Variants in MINPP1 observed in about 807,000 individuals in gnomAD.
MINPP1 encodes multiple inositol polyphosphate phosphatase 1.
A neutral mutation model predicts 46.1 loss-of-function variants in MINPP1; 28 were observed. The observed-to-expected ratio is 0.61, with a 90% CI of 0.45 to 0.83. The LOEUF (loss-of-function observed/expected upper bound fraction) is 0.83. MINPP1 is among the 40% of genes least tolerant of loss of function. MINPP1 has a pLI of 0.00. For synonymous variants in MINPP1, 268 were observed against 249.1 expected, an observed-to-expected ratio of 1.08 and a Z score of -0.72; for missense variants, 603 against 610.0, an observed-to-expected ratio of 0.99 and a Z score of 0.12.
intron 2 of MINPP1, among the ~76,000 whole-genome samples, chr10:87,512,272 C>T (rs976748486): frequency 4.6e-5 from 7 of 152,154 alleles, no homozygotes; most frequent in African/African-American, 1.7e-4. Context: ...AGCAAATTAG[C>T]AGTGTAAAAA....
chr10:87,508,450 C>A lies in MINPP1; in HGVS notation c.752C>A (p.Ala251Asp). Residue 251 changes from alanine to aspartate, a missense_variant, in exon 2 of 5, where the codon GCC becomes GAC. Around this residue, in one of 3 missense-constraint regions of MINPP1, gnomAD observed 344 missense variants for 381.1 expected, o/e 0.90. Transcript: ENST00000371996. ...KNATALYHVE[A>D]FKTGPEMQNI... The stretch of plus-strand genomic sequence containing the variant: ...GCTACAGCTCTTTATCACGTGGAAG[C>A]CTTCAAAACTGGACCAGAAATGCAG... The A allele has an allele frequency of 1.2e-6, 2 of 1,613,768 alleles. No individual in the cohort carries two copies. Among genetic ancestry groups the A allele is most frequent in the Non-Finnish European group, 1.7e-6 (2 of 1,179,860 alleles).
chr10:87,513,184 C>T lies in MINPP1; in HGVS notation c.896C>T (p.Ser299Phe). The T allele has an allele frequency of 6.2e-7, 1 of 1,613,450 alleles. No individual in the cohort carries two copies. The highest frequency in any genetic ancestry group is 8.5e-7 in the Non-Finnish European group (1 of 1,179,626). ...GACCTGGCAATTAAAGGTGTTAAAT[C>T]TCCTTGGTGTGATGTTTTTGACATA... ...SFDLAIKGVK[S>F]PWCDVFDIDD... is the part of the protein sequence containing the mutation. The change falls in exon 3 of 5, where the codon TCT becomes TTT. Residue 299 changes from serine to phenylalanine, a missense_variant. Physicochemically the swap from Ser to Phe is radical, Grantham distance 155 (BLOSUM62 -2). Coordinates refer to ENST00000371996, the MANE Select transcript of MINPP1 (RefSeq NM_004897.5).
At chr10:87,530,590 G>A (rs1005315420) in intron 4 of MINPP1, among the ~76,000 whole-genome samples, 1 of 151,898 alleles carries the variant, frequency 6.6e-6, no homozygotes, top group Non-Finnish European at 1.5e-5. Flanking sequence ...TCTCAGAGGG[G>A]ATGGGTTGTC....
intron 4 of MINPP1, among the ~76,000 whole-genome samples, chr10:87,548,601 T>A (rs984219691): frequency 1.2e-4 from 19 of 152,256 alleles, no homozygotes; most frequent in African/African-American, 4.6e-4. Flanking sequence ...TGCTCTTTTT[T>A]AATACTTTCC....
At chr10:87,537,974 T>C (rs991448526) in intron 4 of MINPP1, among the ~76,000 whole-genome samples, 1 of 151,898 alleles carries the variant, frequency 6.6e-6, no homozygotes, top group African/African-American at 2.4e-5. Flanking sequence ...CTTATTTTTA[T>C]TTATTTATTT....
chr10:87,530,270 T>G (rs1219744256), intron 4 of MINPP1, among the ~76,000 whole-genome samples: 1 of 152,208 alleles, frequency 6.6e-6, no homozygotes, highest in Admixed American at 6.5e-5. Context: ...CTGTGTTTCT[T>G]TGGAGGAGAA....
chr10:87,549,740 T>C (rs1412582296), intron 4 of MINPP1, among the ~76,000 whole-genome samples: 1 of 152,222 alleles, frequency 6.6e-6, no homozygotes, highest in East Asian at 1.9e-4. Context: ...CTGTTGCTGC[T>C]ATCCTCCCTG....
intron 4 of MINPP1, among the ~76,000 whole-genome samples, chr10:87,548,387 G>GC (rs1256159350): frequency 6.6e-6 from 1 of 152,108 alleles, no homozygotes; most frequent in African/African-American, 2.4e-5. Context: ...AAATGACAGA[G>GC]CCTGTCACAT....
At chr10:87,525,077 T>C (rs910382174) in intron 4 of MINPP1, among the ~76,000 whole-genome samples, 1 of 152,206 alleles carries the variant, frequency 6.6e-6, no homozygotes, top group Non-Finnish European at 1.5e-5. Flanking sequence ...AACCTTCCAT[T>C]TGTGGCAAAA....
At chr10:87,538,828 T>G (rs951103986) in intron 4 of MINPP1, among the ~76,000 whole-genome samples, 1 of 152,248 alleles carries the variant, frequency 6.6e-6, no homozygotes, top group Non-Finnish European at 1.5e-5. Context: ...TAACATCAAT[T>G]GAGTGTGAAA....
At chr10:87,552,000 G>A in intron 4 of MINPP1, 82 bp from the exon 5 acceptor site, 1 of 1,067,070 alleles carries the variant, frequency 9.4e-7, no homozygotes, top group Non-Finnish European at 1.4e-6. Context: ...AAAAAAAGAT[G>A]TGGAAGTTAC....
Position 87,546,747 on chromosome 10 carries a change from T to G in MINPP1, c.1068-5335T>G, listed in dbSNP as rs556402979. ...TTCAAGACCAGCTTGGGCAACAAGC[T>G]AAGACCCCGTTTCTACAAAAAAAAA... On this transcript the variant is annotated intron_variant, in intron 4 of 4. Coordinates refer to ENST00000371996, the MANE Select transcript of MINPP1 (RefSeq NM_004897.5). 8 of 152,264 alleles carry G rather than the reference T, an allele frequency of 5.3e-5. No individual in the cohort carries two copies. The South Asian group carries it at 1.7e-3, about 32-fold the overall frequency. 9.4% of individuals were successfully genotyped at this position (152,264 alleles called of 1,614,324 possible).
chr10:87,522,619 A>G (rs552842689), intron 4 of MINPP1, among the ~76,000 whole-genome samples: 1 of 152,332 alleles, frequency 6.6e-6, no homozygotes, highest in African/African-American at 2.4e-5. Context: ...CTTTATTACT[A>G]GGAAATGCCC....
At chr10:87,545,938 T>G (rs143489406) in intron 4 of MINPP1, among the ~76,000 whole-genome samples, 6 of 152,334 alleles carry the variant, frequency 3.9e-5, no homozygotes, top group Non-Finnish European at 7.3e-5. Flanking sequence ...GAGGCTTACA[T>G]CATTAGTGAT....
chr10:87,552,562 A>G lies in MINPP1; in HGVS notation c.*84A>G, dbSNP rs1851980436. 24 of 1,370,328 alleles carry G rather than the reference A, an allele frequency of 1.8e-5. No homozygotes were observed. The highest frequency in any genetic ancestry group is 2.5e-5 in the Non-Finnish European group (24 of 975,780). The allele number at this position is 1,370,328 out of a possible 1,614,324, so 84.9% of individuals were successfully genotyped here. A position where few individuals can be genotyped will look rare whatever the true frequency, so the allele number is the denominator to read the frequency against. On this transcript the variant is annotated 3_prime_UTR_variant, in exon 5 of 5. Transcript: ENST00000371996. ...AATAGGTAGGCAATTCCTTGATTAC[A>G]GGAAGCTTTTATATTACTTGAGTAT...
chr10:87,507,065 G>C (rs1339522357), intron 1 of MINPP1, among the ~76,000 whole-genome samples: 1 of 152,136 alleles, frequency 6.6e-6, no homozygotes, highest in East Asian at 1.9e-4. Flanking sequence ...TTCTCAGATG[G>C]CATTGCGAAG....
At chr10:87,540,582 A>G (rs1038911010) in intron 4 of MINPP1, among the ~76,000 whole-genome samples, 2 of 151,856 alleles carry the variant, frequency 1.3e-5, no homozygotes, top group Non-Finnish European at 2.9e-5. Flanking sequence ...TATTGTTGCC[A>G]GTATTTTGGG....
chr10:87,540,898 A>G (rs1851807029), intron 4 of MINPP1, among the ~76,000 whole-genome samples: 1 of 152,172 alleles, frequency 6.6e-6, no homozygotes, highest in African/African-American at 2.4e-5. Flanking sequence ...TATACCTTTA[A>G]TGGCTTCTGG....
At chr10:87,506,126 T>G (rs1052350093) in intron 1 of MINPP1, among the ~76,000 whole-genome samples, 1 of 152,100 alleles carries the variant, frequency 6.6e-6, no homozygotes, top group African/African-American at 2.4e-5. Flanking sequence ...TTTTTTCTTC[T>G]GTTTTGTTCA....
Sources: allele counts gnomAD v4.1 joint callset (sites outside exome capture counted in the v4.1 genomes callset), GRCh38; gene constraint gnomAD v4.1.1; regional missense constraint gnomAD v4.1.1; transcripts MANE v1.5; gene names NCBI Gene and HGNC (gene_info 2026-07-23, HGNC 2026-07-21).